The following IL1RAPL1 variants were observed in gnomAD, a reference collection of about 807,000 sequenced individuals.
IL1RAPL1 encodes interleukin 1 receptor accessory protein like 1, also known as interleukin-1 receptor accessory protein-like 1.
IL1RAPL1 carries 3 observed loss-of-function variants against 48.4 expected under a neutral mutation model. That is an observed-to-expected ratio of 0.06 (90% confidence interval 0.03 to 0.16). IL1RAPL1 has a LOEUF of 0.16. IL1RAPL1 is among the 10% of genes least tolerant of loss of function. IL1RAPL1 has a pLI of 1.00. For synonymous variants in IL1RAPL1, 185 were observed against 187.7 expected (o/e 0.99, Z 0.12); for missense variants, 349 against 530.6 (o/e 0.66, Z 3.36).
chrX:28,889,965 T>A (rs1922733376), intron 2 of IL1RAPL1, among the ~76,000 whole-genome samples: 1 of 111,721 alleles, frequency 9.0e-6, no homozygotes, highest in Admixed American at 9.6e-5. Context: ...GCACTTGAAT[T>A]TAAATGTAGA....
chrX:29,216,570 C>A (rs1930873509), intron 2 of IL1RAPL1, among the ~76,000 whole-genome samples: 1 of 111,489 alleles, frequency 9.0e-6, no homozygotes, highest in Non-Finnish European at 1.9e-5. Context: ...CTGTAACACT[C>A]GTGACACCTC....
At chrX:29,577,847 G>A (rs765793579) in intron 5 of IL1RAPL1, among the ~76,000 whole-genome samples, 25 of 111,352 alleles carry the variant, frequency 2.2e-4, no homozygotes, top group African/African-American at 7.8e-4. Context: ...CCTTCTTCAG[G>A]AAACATAAAA....
chrX:29,440,756 G>A (rs1414061362), intron 5 of IL1RAPL1, among the ~76,000 whole-genome samples: 1 of 112,085 alleles, frequency 8.9e-6, no homozygotes, highest in Non-Finnish European at 1.9e-5. Context: ...ATCAATGAAG[G>A]AAACCATTTA....
intron 6 of IL1RAPL1, among the ~76,000 whole-genome samples, chrX:29,802,988 CATAT>C (rs1276462082): frequency 1.2e-4 from 7 of 59,064 alleles, no homozygotes; most frequent in Non-Finnish European, 1.8e-4. Flanking sequence ...TACATGTGTA[CATAT>C]ATATGTATGC....
intron 5 of IL1RAPL1, among the ~76,000 whole-genome samples, chrX:29,518,263 C>CT (rs1569329121): frequency 9.0e-6 from 1 of 111,042 alleles, no homozygotes; most frequent in Non-Finnish European, 1.9e-5. Flanking sequence ...TATGGCTCTG[C>CT]TTGTAAAATT....
chrX:29,162,672 A>T (rs1435094343), intron 2 of IL1RAPL1, among the ~76,000 whole-genome samples: 1 of 111,358 alleles, frequency 9.0e-6, no homozygotes, highest in Non-Finnish European at 1.9e-5. Flanking sequence ...GAAATCTTAA[A>T]TATCGCCCAG....
At chrX:29,680,362 G>A (rs1335515040) in intron 6 of IL1RAPL1, among the ~76,000 whole-genome samples, 2 of 111,605 alleles carry the variant, frequency 1.8e-5, no homozygotes, top group Admixed American at 1.9e-4. Flanking sequence ...TGTGGGTTTG[G>A]AACTTTAGTG....
intron 6 of IL1RAPL1, among the ~76,000 whole-genome samples, chrX:29,872,863 TATAAGA>T (rs1569190592): frequency 1.8e-5 from 2 of 112,631 alleles, no homozygotes; most frequent in African/African-American, 3.2e-5. Context: ...TATTGACTGA[TATAAGA>T]ATAAGTTTAG....
At chrX:29,740,101 C>G (rs1161105422) in intron 6 of IL1RAPL1, among the ~76,000 whole-genome samples, 1 of 46,291 alleles carries the variant, frequency 2.2e-5, no homozygotes, top group Non-Finnish European at 4.1e-5. Context: ...CATCTCAAAA[C>G]AACAAAAAAA....
At chrX:29,122,514 C>A (rs189016506) in intron 2 of IL1RAPL1, among the ~76,000 whole-genome samples, 425 of 92,208 alleles carry the variant, frequency 4.6e-3, no homozygotes, top group Non-Finnish European at 6.8e-3. Context: ...GGCTGTAAAT[C>A]GGCTATTTTT....
chrX:28,965,251 T>TA (rs1454667568), intron 2 of IL1RAPL1, among the ~76,000 whole-genome samples: 1 of 111,544 alleles, frequency 9.0e-6, no homozygotes, highest in Non-Finnish European at 1.9e-5. Context: ...TTAATGTGCA[T>TA]ATGAGTAAGT....
rs765928729 is a variant in IL1RAPL1 at position 29,594,389 on chromosome X, A to C, written c.704-74041A>C. 4.5e-5 allele frequency among the ~76,000 whole-genome samples: 5 copies of C among 111,561 alleles called. No individual in the cohort carries two copies. The South Asian group carries it at 1.9e-3, about 42-fold the overall frequency. On this transcript the variant is annotated intron_variant, in intron 5 of 10. Coordinates refer to ENST00000378993, the MANE Select transcript of IL1RAPL1 (RefSeq NM_014271.4). Reference sequence around the variant, plus strand: ...GTGTTTCTTAGTTCCATGTGGTAATAATATATATTATAAAGTCTCTCAAAT... The same window carrying C: ...GTGTTTCTTAGTTCCATGTGGTAATCATATATATTATAAAGTCTCTCAAAT...
chrX:29,080,976 CTTTCTT>C (rs1927803383), intron 2 of IL1RAPL1, among the ~76,000 whole-genome samples: 5 of 43,879 alleles, frequency 1.1e-4, no homozygotes, highest in African/African-American at 5.9e-4. Context: ...TTCTTTCTTT[CTTTCTT>C]TCTTTCTTTC....
At chrX:28,790,736 G>A (rs913830674) in intron 2 of IL1RAPL1, among the ~76,000 whole-genome samples, 1 of 112,102 alleles carries the variant, frequency 8.9e-6, no homozygotes, top group Non-Finnish European at 1.9e-5. Flanking sequence ...AAACCCTAGG[G>A]CAGGATTATG....
intron 6 of IL1RAPL1, among the ~76,000 whole-genome samples, chrX:29,712,086 A>G (rs1172227533): frequency 2.2e-5 from 2 of 92,071 alleles, no homozygotes; most frequent in African/African-American, 3.6e-5. Flanking sequence ...ATGATTCCAA[A>G]TTTTCTTCTT....
intron 6 of IL1RAPL1, among the ~76,000 whole-genome samples, chrX:29,802,789 GTGTATATA>G (rs1474638675): frequency 1.2e-3 from 32 of 26,132 alleles, no homozygotes; most frequent in African/African-American, 4.6e-3. Context: ...ATATGTGTGT[GTGTATATA>G]TATATATATA....
At chrX:29,866,404 A>G (rs1397953558) in intron 6 of IL1RAPL1, among the ~76,000 whole-genome samples, 5 of 110,883 alleles carry the variant, frequency 4.5e-5, no homozygotes, top group Non-Finnish European at 9.4e-5. Context: ...GAGCACCATG[A>G]TGAGAAATAA....
intron 2 of IL1RAPL1, among the ~76,000 whole-genome samples, chrX:29,109,081 A>G (rs896970961): frequency 9.0e-6 from 1 of 111,567 alleles, no homozygotes; most frequent in Admixed American, 9.5e-5. Context: ...TTAAAACAAA[A>G]GATTTGAAAA....
At chrX:28,742,858 A>G (rs1053928420) in intron 1 of IL1RAPL1, among the ~76,000 whole-genome samples, 2 of 111,493 alleles carry the variant, frequency 1.8e-5, no homozygotes, top group East Asian at 2.8e-4. Context: ...TTGTCAAAAG[A>G]CTTGAGGTTT....
Sources: gnomAD v4.1 joint callset for allele counts (sites outside exome capture counted in the v4.1 genomes callset) on GRCh38, gnomAD v4.1.1 for gene constraint, MANE v1.5 for transcripts, NCBI Gene and HGNC (gene_info 2026-07-23, HGNC 2026-07-21) for gene names.